NEGR1: variants seen among roughly 807,000 people sequenced by gnomAD.
NEGR1 encodes the protein neuronal growth regulator 1, also known as IgLON family member 4.
NEGR1 carries 10 observed loss-of-function variants against 40.9 expected under a neutral mutation model. The ratio of observed to expected loss-of-function variants is 0.24; its 90% CI spans 0.15 to 0.42. The LOEUF (loss-of-function observed/expected upper bound fraction) is 0.42, where lower values mean the gene tolerates loss of function less well. NEGR1 is among the 10% of genes least tolerant of loss of function. The pLI is 1.00. For synonymous variants in NEGR1, 185 were observed against 166.8 expected (o/e 1.11, Z -0.84); for missense variants, 352 against 438.9 (o/e 0.80, Z 1.77).
intron 5 of NEGR1, 72 bp from the exon 6 acceptor site, chr1:71,593,040 G>T: frequency 9.1e-7 from 1 of 1,095,818 alleles, no homozygotes; most frequent in Non-Finnish European, 1.4e-6. Context: ...CTTAGCTGGG[G>T]TTGTCATGGC....
intron 1 of NEGR1, among the ~76,000 whole-genome samples, chr1:72,229,107 T>C (rs1654278290): frequency 6.6e-6 from 1 of 152,066 alleles, no homozygotes; most frequent in South Asian, 2.1e-4. Context: ...GGCATTCCGT[T>C]ATATGTAGGT....
At chr1:71,969,571 T>C (rs1285388205) in intron 1 of NEGR1, among the ~76,000 whole-genome samples, 1 of 152,192 alleles carries the variant, frequency 6.6e-6, no homozygotes, top group Non-Finnish European at 1.5e-5. Context: ...ATCTATTACT[T>C]GCCTCCATAT....
At chr1:71,877,013 T>G (rs1402811580) in intron 2 of NEGR1, among the ~76,000 whole-genome samples, 1 of 151,298 alleles carries the variant, frequency 6.6e-6, no homozygotes, top group African/African-American at 2.4e-5. Flanking sequence ...GCAGTAATAG[T>G]GTGGATGGAA....
Position 71,412,495 on chromosome 1 carries a change from A to T in NEGR1, c.941-4925T>A, listed in dbSNP as rs906957783. 2.0e-5 allele frequency among the ~76,000 whole-genome samples: 3 copies of T among 152,206 alleles called. 1 individual carries two copies. The highest frequency in any genetic ancestry group is 2.0e-4 in the Admixed American group (3 of 15,284). The stretch of plus-strand genomic sequence containing the variant: ...TATAAACATCTTGAAGTTATGGAAC[A>T]TTCCTCCTTATATGTGCATCTGAAT... On this transcript the variant is annotated intron_variant, in intron 6 of 6. Transcript: ENST00000357731.
At chr1:71,995,404 T>C (rs1273357440) in intron 1 of NEGR1, among the ~76,000 whole-genome samples, 1 of 152,076 alleles carries the variant, frequency 6.6e-6, no homozygotes, top group Non-Finnish European at 1.5e-5. Flanking sequence ...TCTACACATG[T>C]ATAGGGAGCC....
At chr1:72,196,352 C>T (rs1652998375) in intron 1 of NEGR1, among the ~76,000 whole-genome samples, 1 of 152,088 alleles carries the variant, frequency 6.6e-6, no homozygotes, top group Non-Finnish European at 1.5e-5. Flanking sequence ...AGATTTTCAA[C>T]ATGAATTTGT....
chr1:71,835,143 T>C (rs1475751722), intron 2 of NEGR1, among the ~76,000 whole-genome samples: 5 of 152,092 alleles, frequency 3.3e-5, no homozygotes, highest in Admixed American at 3.3e-4. Context: ...TTCTATCTGT[T>C]TTTCTACTTA....
chr1:71,605,856 T>C (rs749786739), intron 5 of NEGR1, among the ~76,000 whole-genome samples: 7 of 152,186 alleles, frequency 4.6e-5, no homozygotes, highest in Non-Finnish European at 8.8e-5. Context: ...AGAGGTAATA[T>C]TTTAATAACT....
At chr1:72,127,804 G>A (rs1043978005) in intron 1 of NEGR1, among the ~76,000 whole-genome samples, 2 of 152,100 alleles carry the variant, frequency 1.3e-5, no homozygotes, top group Non-Finnish European at 2.9e-5. Context: ...GGGGAAGCCA[G>A]TATCTTCATA....
chr1:71,735,632 T>A (rs1557632815), intron 3 of NEGR1, among the ~76,000 whole-genome samples: 1 of 151,920 alleles, frequency 6.6e-6, no homozygotes, highest in Non-Finnish European at 1.5e-5. Flanking sequence ...TGAATACACA[T>A]AAACACACAC....
intron 6 of NEGR1, among the ~76,000 whole-genome samples, chr1:71,420,672 T>G (rs1298669101): frequency 6.6e-6 from 1 of 152,006 alleles, no homozygotes; most frequent in Admixed American, 6.6e-5. Flanking sequence ...CAGAAGACAC[T>G]CAAGTCTGGA....
chr1:72,128,916 G>A (rs1055023661), intron 1 of NEGR1, among the ~76,000 whole-genome samples: 1 of 152,090 alleles, frequency 6.6e-6, no homozygotes, highest in Non-Finnish European at 1.5e-5. Flanking sequence ...AGGAAGGGAG[G>A]ACTGGTTCAA....
At chr1:72,126,784 T>A (rs1338361421) in intron 1 of NEGR1, among the ~76,000 whole-genome samples, 1 of 152,188 alleles carries the variant, frequency 6.6e-6, no homozygotes, top group Non-Finnish European at 1.5e-5. Flanking sequence ...TCCTCATAAG[T>A]TCTCCTTCTA....
At chr1:72,227,191 T>C (rs1166619854) in intron 1 of NEGR1, among the ~76,000 whole-genome samples, 3 of 152,018 alleles carry the variant, frequency 2.0e-5, no homozygotes, top group Admixed American at 1.3e-4. Flanking sequence ...AAAATGGTAA[T>C]GATAAAAATC....
At chr1:71,444,722 C>T (rs1467929868) in intron 6 of NEGR1, among the ~76,000 whole-genome samples, 2 of 94,646 alleles carry the variant, frequency 2.1e-5, no homozygotes, top group Non-Finnish European at 4.3e-5. Context: ...AAACTATTTA[C>T]TATTTGGCTC....
At position 71,903,578 on chromosome 1, in the gene NEGR1, A is replaced by G. The variant is rs72931781; in HGVS notation, c.409+31501T>C. On this transcript the variant is annotated intron_variant, in intron 2 of 6. Transcript: ENST00000357731. ...TCCCATGAATAAGGTGATACATTTA[A>G]TCATGTGACAACAGTGATTAACTAT... Among the ~76,000 whole-genome samples the G allele has an allele frequency of 6.9e-3, 1,056 of 152,104 alleles. 15 individuals carry two copies. The highest frequency in any genetic ancestry group is 0.024 in the African/African-American group (989 of 41,554).
chr1:71,431,020 T>TCA (rs755591601), intron 6 of NEGR1, among the ~76,000 whole-genome samples: 2 of 151,936 alleles, frequency 1.3e-5, no homozygotes, highest in Non-Finnish European at 2.9e-5. Flanking sequence ...GTGCTGGGAT[T>TCA]ACAGGCGTGA....
At chr1:71,932,767 G>A (rs1645867544) in intron 2 of NEGR1, among the ~76,000 whole-genome samples, 1 of 152,034 alleles carries the variant, frequency 6.6e-6, no homozygotes, top group South Asian at 2.1e-4. Context: ...AAGAGCATAT[G>A]CTTCAAAACT....
chr1:72,035,981 G>C (rs1020665252), intron 1 of NEGR1, among the ~76,000 whole-genome samples: 1 of 152,112 alleles, frequency 6.6e-6, no homozygotes, highest in Non-Finnish European at 1.5e-5. Context: ...ATCACAGATA[G>C]AGACATTTAG....
Sources: allele counts gnomAD v4.1 joint callset (sites outside exome capture counted in the v4.1 genomes callset), GRCh38; gene constraint gnomAD v4.1.1; transcripts MANE v1.5; gene names NCBI Gene and HGNC (gene_info 2026-07-23, HGNC 2026-07-21).